The following INTS6L variants were observed in gnomAD, a reference collection of about 807,000 sequenced individuals.
INTS6L encodes the protein integrator complex subunit 6 like, also known as integrator complex subunit 6-like.
Under a neutral mutation model 64.7 loss-of-function variants are expected in INTS6L, and 18 were observed. That is an observed-to-expected ratio of 0.28 (90% CI 0.19 to 0.41). The LOEUF is 0.41. INTS6L is among the 10% of genes least tolerant of loss of function. The probability of loss-of-function intolerance (pLI) is 1.00; values close to 1 mark genes in which losing one functional copy is unlikely to be tolerated. For synonymous variants in INTS6L, 227 were observed against 235.9 expected, an observed-to-expected ratio of 0.96 and a Z score of 0.34; for missense variants, 533 against 661.0, an observed-to-expected ratio of 0.81 and a Z score of 2.12.
chrX:135,537,339 GA>G (rs1446495840), intron 2 of INTS6L, among the ~76,000 whole-genome samples: 3 of 112,389 alleles, frequency 2.7e-5, no homozygotes, highest in Admixed American at 1.9e-4. Flanking sequence ...TTAACATATT[GA>G]ATTAACATTT....
chrX:135,558,529 A>G (rs1372550482), intron 9 of INTS6L, among the ~76,000 whole-genome samples: 2 of 111,990 alleles, frequency 1.8e-5, no homozygotes, highest in Non-Finnish European at 3.8e-5. Flanking sequence ...AAATAAGCCA[A>G]ATGACAAATA....
At chrX:135,581,266 T>C (rs2087364060) in intron 17 of INTS6L, 123 bp downstream of exon 17, 2 of 515,090 alleles carry the variant, frequency 3.9e-6, no homozygotes, top group Non-Finnish European at 6.2e-6. Context: ...CCCTCACTCA[T>C]AGTTAAGGCT....
intron 2 of INTS6L, among the ~76,000 whole-genome samples, chrX:135,536,789 C>T (rs1310625322): frequency 2.7e-5 from 3 of 111,757 alleles, no homozygotes; most frequent in Non-Finnish European, 3.8e-5. Flanking sequence ...AACACTCCTT[C>T]ATTTCCCTCC....
intron 7 of INTS6L, among the ~76,000 whole-genome samples, chrX:135,551,142 A>C (rs2086492308): frequency 8.9e-6 from 1 of 112,336 alleles, no homozygotes; most frequent in Non-Finnish European, 1.9e-5. Context: ...TTATAAAGGA[A>C]GCAGTGATAT....
At position 135,520,921 on chromosome X, in the gene INTS6L, A is replaced by C; in HGVS notation, c.-72A>C. On this transcript the variant is annotated 5_prime_UTR_variant, in exon 1 of 18. Transcript: ENST00000639893. ...CCGGCTCTGCGAGAGTTGAGGGTTC[A>C]GGTGGCCGTACGCGGCAGTGAGGGC... The C allele has an allele frequency of 9.5e-7, 1 of 1,049,708 alleles. No individual in the cohort carries two copies. The highest frequency in any genetic ancestry group is 2.0e-5 in the South Asian group (1 of 50,302). 86.5% of individuals were successfully genotyped at this position (1,049,708 alleles called of 1,213,427 possible).
rs368858810 is a variant in INTS6L, at chrX:135,552,095, G to A, written c.1008G>A (p.Ser336=). 30 of 1,205,848 alleles carry A rather than the reference G, an allele frequency of 2.5e-5. No individual in the cohort carries two copies. Among genetic ancestry groups the A allele is most frequent in the African/African-American group, 5.3e-5 (3 of 56,769 alleles). Reference sequence around the variant, plus strand: ...TTGACAAATATGAACTTGAACCTTCGCCCTTAACTCAGTATATCTTGGAAC... The same window carrying A: ...TTGACAAATATGAACTTGAACCTTCACCCTTAACTCAGTATATCTTGGAAC... The part of the protein sequence containing the change: ...LPFDKYELEP[S]PLTQYILERK... The change falls in exon 8 of 18, where the codon TCG becomes TCA. Residue 336 remains serine, a synonymous_variant. Coordinates refer to ENST00000639893, the MANE Select transcript of INTS6L (RefSeq NM_001351601.3).
At chrX:135,565,278 C>T (rs1427454022) in intron 9 of INTS6L, among the ~76,000 whole-genome samples, 2 of 112,142 alleles carry the variant, frequency 1.8e-5, no homozygotes, top group Non-Finnish European at 3.8e-5. Context: ...TAGCAAGACT[C>T]ATCCTCTCAT....
intron 2 of INTS6L, among the ~76,000 whole-genome samples, chrX:135,526,445 C>A (rs2085740369): frequency 9.0e-6 from 1 of 111,722 alleles, no homozygotes; most frequent in Admixed American, 9.5e-5. Context: ...ATTAGGTCCT[C>A]CTCTCCAAAC....
At chrX:135,524,804 CT>C (rs1446231028) in intron 2 of INTS6L, among the ~76,000 whole-genome samples, 1 of 112,304 alleles carries the variant, frequency 8.9e-6, no homozygotes, top group Non-Finnish European at 1.9e-5. Flanking sequence ...ATACTCCTCA[CT>C]ATATAGCTGT....
chrX:135,536,210 G>A (rs782264274), intron 2 of INTS6L, among the ~76,000 whole-genome samples: 7 of 112,016 alleles, frequency 6.2e-5, no homozygotes, highest in Non-Finnish European at 1.3e-4. Flanking sequence ...AATTCATAAC[G>A]TACAAGGATT....
At chrX:135,527,055 A>T (rs1468308625) in intron 2 of INTS6L, among the ~76,000 whole-genome samples, 5 of 112,089 alleles carry the variant, frequency 4.5e-5, no homozygotes, top group African/African-American at 1.3e-4. Context: ...TATAGAAAAT[A>T]CATGAATCCT....
intron 11 of INTS6L, chrX:135,572,134 G>A (rs2087105635): frequency 9.0e-6 from 1 of 111,718 alleles, no homozygotes; most frequent in African/African-American, 3.2e-5. Context: ...AGTGTTTCTT[G>A]AGCCATTTCA....
At chrX:135,562,854 G>A (rs2086826334) in intron 9 of INTS6L, among the ~76,000 whole-genome samples, 1 of 111,649 alleles carries the variant, frequency 9.0e-6, no homozygotes, top group Non-Finnish European at 1.9e-5. Flanking sequence ...CTTTGAACTT[G>A]CCTATAACTG....
At chrX:135,547,590 T>A (rs2086389999) in intron 6 of INTS6L, among the ~76,000 whole-genome samples, 2 of 112,238 alleles carry the variant, frequency 1.8e-5, no homozygotes, top group African/African-American at 6.5e-5. Flanking sequence ...TGGTGTACAC[T>A]TAAATAATAA....
At chrX:135,542,642 C>T (rs1170348076) in intron 2 of INTS6L, among the ~76,000 whole-genome samples, 1 of 111,824 alleles carries the variant, frequency 8.9e-6, no homozygotes, top group Non-Finnish European at 1.9e-5. Flanking sequence ...GTGAATAGCA[C>T]CACTAACGAT....
At chrX:135,555,370 A>T (rs1296325202) in intron 8 of INTS6L, among the ~76,000 whole-genome samples, 1 of 112,021 alleles carries the variant, frequency 8.9e-6, no homozygotes, top group African/African-American at 3.2e-5. Context: ...TGGAGCAAAG[A>T]CTTAATAATA....
intron 9 of INTS6L, among the ~76,000 whole-genome samples, chrX:135,567,228 A>T (rs1400883716): frequency 1.8e-5 from 2 of 111,953 alleles, no homozygotes; most frequent in African/African-American, 6.5e-5. Context: ...GGAGAAAGGA[A>T]CTGGAAGAGA....
At chrX:135,549,453 A>G (rs1374659353) in intron 6 of INTS6L, among the ~76,000 whole-genome samples, 189 bp from the exon 7 acceptor site, 1 of 112,468 alleles carries the variant, frequency 8.9e-6, no homozygotes, top group Non-Finnish European at 1.9e-5. Context: ...GATGGATTAG[A>G]CGAAAAGAGT....
Position 135,551,983 on chromosome X carries a change from A to T in INTS6L, c.907-11A>T, listed in dbSNP as rs12391668. ...CCATTTTTTCTGCTTTTTTTAAAAA[A>T]TTTTTTTTAGCCTCCACGAACATCT... On this transcript the variant is annotated splice_polypyrimidine_tract_variant and intron_variant, in intron 7 of 17. Transcript: ENST00000639893. 4,931 of 1,110,899 alleles carry T rather than the reference A, an allele frequency of 4.4e-3. 130 individuals carry two copies. In the African/African-American group the frequency reaches 0.081, roughly 18 times the overall value. The allele number at this position is 1,110,899 out of a possible 1,213,427, so 91.6% of individuals were successfully genotyped here. A position where few individuals can be genotyped will look rare whatever the true frequency, so the allele number is the denominator to read the frequency against.
Sources: allele counts gnomAD v4.1 joint callset (sites outside exome capture counted in the v4.1 genomes callset), GRCh38; gene constraint gnomAD v4.1.1; transcripts MANE v1.5; gene names NCBI Gene and HGNC (gene_info 2026-07-23, HGNC 2026-07-21).